The following FA2H variants were observed in gnomAD, a reference collection of about 807,000 sequenced individuals.
FA2H encodes the protein fatty acid alpha-hydroxylase.
Under a neutral mutation model 44.9 loss-of-function variants are expected in FA2H, and 22 were observed. The observed-to-expected ratio is 0.49, with a 90% CI of 0.35 to 0.70. FA2H has a LOEUF of 0.70. Among genes scored for constraint, FA2H ranks in the 30% least tolerant of loss-of-function variants. The pLI, the probability that FA2H is intolerant of heterozygous loss-of-function variation, is 0.01. For missense variants in FA2H, 501 were observed against 504.9 expected, an observed-to-expected ratio of 0.99 and a Z score of 0.07; for synonymous variants, 243 against 213.2, an observed-to-expected ratio of 1.14 and a Z score of -1.22.
Position 74,730,134 on chromosome 16 carries a change from G to A in FA2H, c.364-2748C>T, listed in dbSNP as rs1323295217. Among the ~76,000 whole-genome samples, 3 of 152,192 alleles carry A rather than the reference G, an allele frequency of 2.0e-5. No homozygotes were observed. In the East Asian group the frequency reaches 5.8e-4, roughly 29 times the overall value. On this transcript the variant is annotated intron_variant, in intron 2 of 6. Transcript: ENST00000219368. ...GCCCCCCAGCTGCTCTGGAGGTGGA[G>A]CTGGTCTCGCCCATCACAGCCTGGG... is the stretch of plus-strand genomic sequence containing the variant.
chr16:74,726,016 G>A, intron 4 of FA2H: 1 of 557,378 alleles, frequency 1.8e-6, no homozygotes, highest in Non-Finnish European at 3.3e-6. Context: ...TTCTGCTGAT[G>A]TGTTGTTGGG....
At chr16:74,743,540 T>G (rs79865407) in intron 1 of FA2H, among the ~76,000 whole-genome samples, 1,782 of 152,274 alleles carry the variant, frequency 0.012, 36 homozygotes, top group African/African-American at 0.04. Context: ...GGCCAGGGAT[T>G]CTCTCTCCAG....
chr16:74,770,102 C>A (rs1962879589), intron 1 of FA2H, among the ~76,000 whole-genome samples: 1 of 152,182 alleles, frequency 6.6e-6, no homozygotes, highest in Non-Finnish European at 1.5e-5. Flanking sequence ...AGGAGGGGCA[C>A]CATTCAGAAA....
chr16:74,743,512 C>A (rs1225526728), intron 1 of FA2H, among the ~76,000 whole-genome samples: 3 of 152,200 alleles, frequency 2.0e-5, no homozygotes, highest in African/African-American at 4.8e-5. Flanking sequence ...TCGAGCGGCT[C>A]CATCCCCCGC....
chr16:74,729,699 T>A lies in FA2H; in HGVS notation c.364-2313A>T, dbSNP rs567745621. On this transcript the variant is annotated intron_variant, in intron 2 of 6. Transcript: ENST00000219368. Reference sequence around the variant, plus strand: ...CCAGGAAAGAACAATGAACCTGGAGTCAGGGGAACACCATTAGAGCCTGGC... The same window carrying A: ...CCAGGAAAGAACAATGAACCTGGAGACAGGGGAACACCATTAGAGCCTGGC... Among the ~76,000 whole-genome samples the A allele has an allele frequency of 2.0e-5, 3 of 152,152 alleles. No individual in the cohort carries two copies. In the East Asian group the frequency reaches 5.8e-4, roughly 29 times the overall value.
At position 74,718,955 on chromosome 16, in the gene FA2H, G is replaced by C. The variant is rs767899097; in HGVS notation, c.786+33C>G. On this transcript the variant is annotated intron_variant, in intron 5 of 6. Transcript: ENST00000219368. ...TGCCGGGCCCTCTCGGGCTGCACAT[G>C]CTAGGTCCGGGCTGGGACCCCGCCC... The C allele has an allele frequency of 3.7e-6, 6 of 1,610,792 alleles. No individual in the cohort carries two copies. The South Asian group carries it at 6.6e-5, about 18-fold the overall frequency.
intron 2 of FA2H, among the ~76,000 whole-genome samples, chr16:74,730,542 A>AAC (rs147325862): frequency 0.12 from 17,957 of 150,902 alleles, 1,420 homozygotes; most frequent in East Asian, 0.38. Context: ...TAGGTCTGTA[A>AAC]ACACACACAC....
intron 4 of FA2H, among the ~76,000 whole-genome samples, chr16:74,724,358 G>T (rs1012055565): frequency 2.6e-5 from 4 of 152,330 alleles, no homozygotes; most frequent in Middle Eastern, 3.4e-3. Flanking sequence ...GCTCTCAGAA[G>T]CTGCTCTGGA....
chr16:74,721,805 C>A (rs1201457639), intron 4 of FA2H, among the ~76,000 whole-genome samples: 3 of 152,220 alleles, frequency 2.0e-5, no homozygotes, highest in Non-Finnish European at 4.4e-5. Flanking sequence ...CTTCCCCCAA[C>A]TTCCAAGCAC....
At chr16:74,730,185 C>G (rs1962046478) in intron 2 of FA2H, among the ~76,000 whole-genome samples, 1 of 152,194 alleles carries the variant, frequency 6.6e-6, no homozygotes, top group South Asian at 2.1e-4. Flanking sequence ...GTCCTGGGAG[C>G]AAGCAGGCAA....
intron 2 of FA2H, among the ~76,000 whole-genome samples, chr16:74,730,613 C>G (rs948417849): frequency 1.3e-5 from 2 of 152,142 alleles, no homozygotes; most frequent in Non-Finnish European, 2.9e-5. Flanking sequence ...ACTGGAGGAA[C>G]CAGCTGGTGG....
At chr16:74,735,816 C>T (rs1962169060) in intron 2 of FA2H, among the ~76,000 whole-genome samples, 1 of 152,024 alleles carries the variant, frequency 6.6e-6, no homozygotes, top group Admixed American at 6.6e-5. Context: ...CCTATCTCTA[C>T]AAAAAAATTT....
At chr16:74,744,841 C>T (rs1182826803) in intron 1 of FA2H, among the ~76,000 whole-genome samples, 5 of 152,176 alleles carry the variant, frequency 3.3e-5, no homozygotes, top group Non-Finnish European at 7.3e-5. Flanking sequence ...TCACCTTAGT[C>T]TCCGAGAGTT....
chr16:74,720,759 C>T (rs1221473925), intron 4 of FA2H, among the ~76,000 whole-genome samples: 1 of 152,192 alleles, frequency 6.6e-6, no homozygotes, highest in Non-Finnish European at 1.5e-5. Context: ...CCCTCCCAAC[C>T]CTAGGAAGCT....
At chr16:74,764,904 G>T (rs182369168) in intron 1 of FA2H, among the ~76,000 whole-genome samples, 229 of 152,120 alleles carry the variant, frequency 1.5e-3, no homozygotes, top group Non-Finnish European at 2.6e-3. Flanking sequence ...CATGAGGACT[G>T]GGGGGGTCTT....
chr16:74,762,237 G>A (rs1962726720), intron 1 of FA2H, among the ~76,000 whole-genome samples: 1 of 152,184 alleles, frequency 6.6e-6, no homozygotes, highest in Non-Finnish European at 1.5e-5. Flanking sequence ...TAGAGACGGG[G>A]TTTCACCGTA....
intron 5 of FA2H, among the ~76,000 whole-genome samples, chr16:74,718,303 G>A (rs1468546482): frequency 2.6e-5 from 4 of 152,310 alleles, no homozygotes; most frequent in South Asian, 2.1e-4. Context: ...AGAGTGTGGA[G>A]ACGGGCTGGG....
At chr16:74,726,940 A>G (rs911657628) in intron 3 of FA2H, among the ~76,000 whole-genome samples, 33 of 152,144 alleles carry the variant, frequency 2.2e-4, no homozygotes, top group African/African-American at 7.7e-4. Context: ...GTGGCAGAGG[A>G]GCTAATTGCA....
At chr16:74,750,791 T>TGTGTG (rs1597564103) in intron 1 of FA2H, among the ~76,000 whole-genome samples, 3 of 22,580 alleles carry the variant, frequency 1.3e-4, no homozygotes, top group African/African-American at 7.5e-4. Context: ...GTGTGTGTGT[T>TGTGTG]TAAGAGACAG....
Sources: gnomAD v4.1 joint callset for allele counts (sites outside exome capture counted in the v4.1 genomes callset) on GRCh38, gnomAD v4.1.1 for gene constraint, MANE v1.5 for transcripts, NCBI Gene and HGNC (gene_info 2026-07-23, HGNC 2026-07-21) for gene names.